The following MIER3 variants were observed in gnomAD, a reference collection of about 807,000 sequenced individuals.
The protein encoded by MIER3 is mesoderm induction early response protein 3.
A neutral mutation model predicts 63.2 loss-of-function variants in MIER3; 9 were observed. That is an observed-to-expected ratio of 0.14 (90% CI 0.09 to 0.25). The LOEUF (loss-of-function observed/expected upper bound fraction) is 0.25, where lower values mean the gene tolerates loss of function less well. Ranked by LOEUF, MIER3 falls within the 10% of genes least tolerant of loss-of-function variation. MIER3 has a pLI of 1.00. For synonymous variants in MIER3, 205 were observed against 224.9 expected, an observed-to-expected ratio of 0.91 and a Z score of 0.79; for missense variants, 512 against 666.2, an observed-to-expected ratio of 0.77 and a Z score of 2.55.
In MIER3 at chr5:56,938,965, G is replaced by T. The variant is rs748234397; in HGVS notation, c.233C>A (p.Thr78Lys). Residue 78 changes from threonine to lysine, a missense_variant, in exon 4 of 13, where the codon ACA becomes AAA. Coordinates refer to ENST00000381199, the MANE Select transcript of MIER3 (RefSeq NM_001297599.2). ...DLLAFYGYEPTIPAVANSSAN... is the reference protein window; with the variant it reads ...DLLAFYGYEPKIPAVANSSAN... ...ACTGGAATTTGCAACTGCTGGAATT[G>T]TAGGTTCATAGCCATAGAATGCCAG... The T allele has an allele frequency of 1.9e-6, 3 of 1,614,064 alleles. No individual in the cohort carries two copies. Among genetic ancestry groups the T allele is most frequent in the African/African-American group, 2.7e-5 (2 of 74,938 alleles).
chr5:56,925,030 A>G (rs939750918), intron 10 of MIER3, among the ~76,000 whole-genome samples: 2 of 152,232 alleles, frequency 1.3e-5, no homozygotes, highest in South Asian at 2.1e-4. Flanking sequence ...TGCCTAAAAC[A>G]ATGTCTGGTA....
chr5:56,937,588 C>T lies in MIER3; in HGVS notation c.426G>A (p.Arg142=). The change falls in exon 5 of 13, where the codon AGG becomes AGA. Residue 142 remains arginine (R), a synonymous_variant. Transcript: ENST00000381199. Reference sequence around the variant, plus strand: ...CACTGGGTTTCTTACATCGTAAAGGCCTAGGGAAGAAATCAGAAGTTTCAT... The same window carrying T: ...CACTGGGTTTCTTACATCGTAAAGGTCTAGGGAAGAAATCAGAAGTTTCAT... ...TSHETSDFFP[R]PLRSNTACDG... 3 of 1,607,698 alleles carry T rather than the reference C, an allele frequency of 1.9e-6. No homozygotes were observed. Among genetic ancestry groups the T allele is most frequent in the Non-Finnish European group, 1.7e-6 (2 of 1,176,618 alleles).
At chr5:56,950,452 C>CAAT (rs1463044604) in intron 2 of MIER3, among the ~76,000 whole-genome samples, 176 bp downstream of exon 2, 2 of 152,096 alleles carry the variant, frequency 1.3e-5, no homozygotes, top group South Asian at 4.2e-4. Context: ...CAAGAGAAAA[C>CAAT]AAAGAACAGT....
chr5:56,923,192 T>G lies in MIER3; in HGVS notation c.1589A>C (p.Asn530Thr), dbSNP rs36017815. 4 of 1,613,820 alleles carry G rather than the reference T, an allele frequency of 2.5e-6. No homozygotes were observed. The highest frequency in any genetic ancestry group is 1.7e-5 in the Admixed American group (1 of 59,932). ...SVADFGSLSANETNGFISAHA... is the reference protein window; with the variant it reads ...SVADFGSLSATETNGFISAHA... The stretch of plus-strand genomic sequence containing the variant: ...GGCACTGATGAAACCATTGGTCTCG[T>G]TGGCAGAGAGACTGCCAAAGTCAGC... Residue 530 changes from asparagine (N) to threonine (T), a missense_variant, in exon 13 of 13, where the codon AAC (asparagine) becomes ACC (threonine). This residue lies in a region of MIER3 where 218 missense variants were observed against 251.2 expected (regional missense o/e 0.87). Transcript: ENST00000381199.
chr5:56,950,531 T>C, intron 2 of MIER3, 97 bp downstream of exon 2: 4 of 1,297,178 alleles, frequency 3.1e-6, no homozygotes, highest in Non-Finnish European at 4.4e-6. Context: ...AAGAAAAACC[T>C]GCAGGATACA....
chr5:56,940,952 TCA>T (rs1229588654), intron 3 of MIER3: 3 of 985,104 alleles, frequency 3.0e-6, no homozygotes, highest in Non-Finnish European at 2.4e-6. Context: ...CCGCAGAACC[TCA>T]CAGTTTCACA....
chr5:56,931,613 T>A (rs369850468), intron 8 of MIER3, among the ~76,000 whole-genome samples: 1 of 152,200 alleles, frequency 6.6e-6, no homozygotes, highest in South Asian at 2.1e-4. Context: ...ATGGATATTA[T>A]CTTGCTGTAA....
At chr5:56,952,178 G>C, upstream of MIER3, 1 of 1,120,384 alleles carries the variant, frequency 8.9e-7, no homozygotes, top group Non-Finnish European at 1.1e-6. Context: ...CGCAGCCGCC[G>C]CCGCCACCGC....
intron 3 of MIER3, among the ~76,000 whole-genome samples, chr5:56,942,508 T>C (rs1750680679): frequency 2.6e-5 from 4 of 152,158 alleles, no homozygotes; most frequent in Non-Finnish European, 5.9e-5. Flanking sequence ...AGCACCACTA[T>C]GAGACAGAAG....
At chr5:56,948,725 C>T (rs1750914190) in intron 2 of MIER3, among the ~76,000 whole-genome samples, 1 of 152,100 alleles carries the variant, frequency 6.6e-6, no homozygotes, top group African/African-American at 2.4e-5. Flanking sequence ...AGCTCACATC[C>T]ACCATTACAA....
At position 56,935,683 on chromosome 5, in the gene MIER3, G is replaced by A. The variant is rs368711389; in HGVS notation, c.505C>T (p.Pro169Ser). ...EDVETDSGNS[P>S]EDLRKEIMIG... is the part of the protein sequence containing the mutation. ...CAGCTTACCTTCCTCAAATCTTCAG[G>A]TGAATTACCACTGTCTGTTTCAACA... The change falls in exon 6 of 13, where the codon CCT (proline) becomes TCT (serine). Residue 169 changes from proline (P) to serine (S), a missense_variant. Coordinates refer to ENST00000381199, the MANE Select transcript of MIER3 (RefSeq NM_001297599.2). 1.2e-6 allele frequency: 2 copies of A among 1,613,614 alleles called. No individual in the cohort carries two copies. Among genetic ancestry groups the A allele is most frequent in the East Asian group, 2.2e-5 (1 of 44,844 alleles).
chr5:56,934,136 C>T (rs1750364153), intron 7 of MIER3, among the ~76,000 whole-genome samples: 1 of 151,996 alleles, frequency 6.6e-6, no homozygotes, highest in Admixed American at 6.6e-5. Context: ...GCTTCAAGTG[C>T]AATCTGTTCT....
At chr5:56,942,934 G>A (rs1750698934) in intron 3 of MIER3, among the ~76,000 whole-genome samples, 1 of 152,104 alleles carries the variant, frequency 6.6e-6, no homozygotes, top group Non-Finnish European at 1.5e-5. Flanking sequence ...CTCGAGCCCA[G>A]GAGTTGGAGA....
intron 10 of MIER3, among the ~76,000 whole-genome samples, chr5:56,924,536 CAA>C (rs1749863281): frequency 6.6e-6 from 1 of 152,152 alleles, no homozygotes; most frequent in Non-Finnish European, 1.5e-5. Context: ...TTCCACTTTC[CAA>C]AAGAGATTAA....
At chr5:56,924,578 C>G (rs914594514) in intron 10 of MIER3, among the ~76,000 whole-genome samples, 5 of 152,318 alleles carry the variant, frequency 3.3e-5, no homozygotes, top group Admixed American at 3.3e-4. Flanking sequence ...CAACGGTCTA[C>G]AGCATCTGGA....
chr5:56,952,028 G>T lies in MIER3; in HGVS notation c.9+66C>A, dbSNP rs1751055158. The T allele has an allele frequency of 1.9e-5, 24 of 1,240,658 alleles. No individual in the cohort carries two copies. The South Asian group carries it at 4.5e-4, about 23-fold the overall frequency. 76.9% of individuals were successfully genotyped at this position (1,240,658 alleles called of 1,614,324 possible). A position where few individuals can be genotyped will look rare whatever the true frequency, so the allele number is the denominator to read the frequency against. ...GCCCCGGATCCCCCAGGCTGGCTCGGGGGTCGCGGGGAGCCGCCGGGCGCC... is the reference window on the plus strand; with the variant it reads ...GCCCCGGATCCCCCAGGCTGGCTCGTGGGTCGCGGGGAGCCGCCGGGCGCC... On this transcript the variant is annotated intron_variant, in intron 1 of 12. Coordinates refer to ENST00000381199, the MANE Select transcript of MIER3 (RefSeq NM_001297599.2).
At chr5:56,942,885 C>A (rs1011546777) in intron 3 of MIER3, among the ~76,000 whole-genome samples, 14 of 152,184 alleles carry the variant, frequency 9.2e-5, no homozygotes, top group African/African-American at 3.1e-4. Flanking sequence ...GTAGCTGCTG[C>A]CTGTAATCCC....
intron 7 of MIER3, among the ~76,000 whole-genome samples, chr5:56,935,207 C>T (rs76773628): frequency 3.3e-5 from 5 of 152,060 alleles, no homozygotes. Flanking sequence ...CTAATAAGCA[C>T]TATGTGTGCC....
rs775111685 is a variant in MIER3 at position 56,933,326 on chromosome 5, A to G, written c.668T>C (p.Val223Ala). The G allele has an allele frequency of 3.1e-6, 5 of 1,613,568 alleles. No individual in the cohort carries two copies. The highest frequency in any genetic ancestry group is 4.2e-6 in the Non-Finnish European group (5 of 1,179,730). The stretch of plus-strand genomic sequence containing the variant: ...ACTGCCAGTCCTTAATGAAGTCTCA[A>G]CAAGGTATTCCTTAACTTTGCTCTC... ...VLESKVKEYL[V>A]ETSLRTGSEK... The change falls in exon 8 of 13, where the codon GTT becomes GCT. Residue 223 changes from valine (V) to alanine (A), a missense_variant. Physicochemically the swap from Val to Ala is moderately conservative, Grantham distance 64. Coordinates refer to ENST00000381199, the MANE Select transcript of MIER3 (RefSeq NM_001297599.2).
Sources: allele counts gnomAD v4.1 joint callset (sites outside exome capture counted in the v4.1 genomes callset), GRCh38; gene constraint gnomAD v4.1.1; regional missense constraint gnomAD v4.1.1; transcripts MANE v1.5; gene names NCBI Gene and HGNC (gene_info 2026-07-23, HGNC 2026-07-21).